FAM117B: variants seen among roughly 807,000 people sequenced by gnomAD.
The protein encoded by FAM117B is protein FAM117B.
In FAM117B, 22 loss-of-function variants were observed where a neutral mutation model predicts 52.8. That is an observed-to-expected ratio of 0.42 (90% confidence interval 0.30 to 0.59). The LOEUF (loss-of-function observed/expected upper bound fraction) is 0.59, where lower values mean the gene tolerates loss of function less well. Ranked by LOEUF, FAM117B falls within the 20% of genes least tolerant of loss-of-function variation. The pLI, the probability that FAM117B is intolerant of heterozygous loss-of-function variation, is 0.22. For missense variants in FAM117B, 678 were observed against 802.6 expected, an observed-to-expected ratio of 0.84 and a Z score of 1.88; for synonymous variants, 309 against 324.1, an observed-to-expected ratio of 0.95 and a Z score of 0.50.
chr2:202,761,213 A>G (rs904352967), intron 7 of FAM117B, among the ~76,000 whole-genome samples: 6 of 152,174 alleles, frequency 3.9e-5, no homozygotes, highest in Non-Finnish European at 1.5e-5. Flanking sequence ...GAGCTCTTTG[A>G]TTTACTCATT....
chr2:202,738,401 A>G (rs1691473323), intron 4 of FAM117B, among the ~76,000 whole-genome samples: 1 of 152,156 alleles, frequency 6.6e-6, no homozygotes, highest in Admixed American at 6.5e-5. Context: ...TTTTCTGTCA[A>G]CTCAAGTTTG....
In FAM117B at chr2:202,653,474, G is replaced by T. The variant is rs1689986286; in HGVS notation, c.601+17686G>T. ...CTGCCTCAGCCTCCAGAGTTGCTGG[G>T]ATTACAGGCATGAACATTTGTGCCT... is the stretch of plus-strand genomic sequence containing the variant. On this transcript the variant is annotated intron_variant, in intron 1 of 7. Coordinates refer to ENST00000392238, the MANE Select transcript of FAM117B (RefSeq NM_173511.4). Among the ~76,000 whole-genome samples, 4 of 152,226 alleles carry T rather than the reference G, an allele frequency of 2.6e-5. No homozygotes were observed. The South Asian group carries it at 8.3e-4, about 31-fold the overall frequency.
intron 1 of FAM117B, among the ~76,000 whole-genome samples, chr2:202,655,616 G>A (rs1173743882): frequency 6.6e-6 from 1 of 151,860 alleles, no homozygotes; most frequent in African/African-American, 2.4e-5. Context: ...GTTTTTAGAA[G>A]AGGTTATGTA....
intron 1 of FAM117B, among the ~76,000 whole-genome samples, chr2:202,677,154 G>A (rs773666255): frequency 6.7e-6 from 1 of 149,862 alleles, no homozygotes; most frequent in Non-Finnish European, 1.5e-5. Flanking sequence ...TACAACCTCC[G>A]CCTCCGGGGT....
chr2:202,679,961 C>T (rs1384093470), intron 1 of FAM117B, among the ~76,000 whole-genome samples: 2 of 151,702 alleles, frequency 1.3e-5, no homozygotes, highest in African/African-American at 4.8e-5. Flanking sequence ...TCAGTATGCT[C>T]AGAGATTTAA....
intron 2 of FAM117B, among the ~76,000 whole-genome samples, chr2:202,710,041 T>A (rs115496609): frequency 1.3e-5 from 2 of 152,242 alleles, no homozygotes; most frequent in African/African-American, 4.8e-5. Flanking sequence ...CTTTGTAATA[T>A]GTTTTGAAAT....
intron 2 of FAM117B, 29 bp downstream of exon 2, chr2:202,696,061 G>A: frequency 7.5e-6 from 12 of 1,603,778 alleles, no homozygotes; most frequent in Non-Finnish European, 1.0e-5. Flanking sequence ...TTATCCTGAA[G>A]TGTTTTTCTC....
At chr2:202,652,587 T>A (rs1324237864) in intron 1 of FAM117B, among the ~76,000 whole-genome samples, 1 of 152,226 alleles carries the variant, frequency 6.6e-6, no homozygotes, top group Non-Finnish European at 1.5e-5. Context: ...GACAAAAGCC[T>A]GATATGGCCG....
chr2:202,762,930 C>G (rs1338028256), intron 7 of FAM117B, among the ~76,000 whole-genome samples: 1 of 151,704 alleles, frequency 6.6e-6, no homozygotes, highest in Non-Finnish European at 1.5e-5. Flanking sequence ...ATGAAAGCAG[C>G]AAGGAAGTTA....
Position 202,635,376 on chromosome 2 carries a change from C to T in FAM117B, c.189C>T (p.Gly63=), listed in dbSNP as rs573110708. The T allele has an allele frequency of 3.4e-3, 4,643 of 1,366,554 alleles. 16 individuals are homozygous for T. The highest frequency in any genetic ancestry group is 4.2e-3 in the Non-Finnish European group (4,437 of 1,062,520). The allele number at this position is 1,366,554 out of a possible 1,614,324, so 84.7% of individuals were successfully genotyped here. The change falls in exon 1 of 8, where the codon GGC becomes GGT. Residue 63 remains glycine (G), a synonymous_variant. Coordinates refer to ENST00000392238, the MANE Select transcript of FAM117B (RefSeq NM_173511.4). The stretch of plus-strand genomic sequence containing the variant: ...CGCGGAGCGGCGGCGGCGGCGGCGG[C>T]AACAACAACGGTGGCTGCTGTGGTG... ...SPTRSGGGGG[G]NNNGGCCGGA...
At chr2:202,666,689 GAC>G (rs1265782155) in intron 1 of FAM117B, among the ~76,000 whole-genome samples, 1 of 125,216 alleles carries the variant, frequency 8.0e-6, no homozygotes, top group East Asian at 2.2e-4. Flanking sequence ...TTTTTTTTGA[GAC>G]AGAGTCTCGC....
intron 6 of FAM117B, 118 bp downstream of exon 6, chr2:202,757,556 A>G (rs1691821614): frequency 4.6e-6 from 5 of 1,088,222 alleles, no homozygotes; most frequent in Non-Finnish European, 6.6e-6. Flanking sequence ...TAATGTGTTC[A>G]AAGCCTAGGT....
At chr2:202,654,397 A>G (rs888327189) in intron 1 of FAM117B, among the ~76,000 whole-genome samples, 1 of 151,672 alleles carries the variant, frequency 6.6e-6, no homozygotes, top group Non-Finnish European at 1.5e-5. Flanking sequence ...CTTGAGCACT[A>G]TTTTCTTGTC....
At chr2:202,661,172 A>G (rs1690122463) in intron 1 of FAM117B, among the ~76,000 whole-genome samples, 1 of 152,060 alleles carries the variant, frequency 6.6e-6, no homozygotes, top group African/African-American at 2.4e-5. Flanking sequence ...AGCTGCCATT[A>G]TTTACTTTTT....
chr2:202,652,351 T>A (rs1248227663), intron 1 of FAM117B, among the ~76,000 whole-genome samples: 1 of 152,114 alleles, frequency 6.6e-6, no homozygotes, highest in Non-Finnish European at 1.5e-5. Flanking sequence ...TCCTCTTTCT[T>A]TGGCCTTCCA....
intron 4 of FAM117B, among the ~76,000 whole-genome samples, chr2:202,744,390 C>T (rs1262158478): frequency 2.0e-5 from 3 of 152,144 alleles, no homozygotes; most frequent in Non-Finnish European, 2.9e-5. Context: ...CAGGAACTAA[C>T]GGAGTGAATT....
At chr2:202,762,077 G>C (rs913455788) in intron 7 of FAM117B, among the ~76,000 whole-genome samples, 5 of 152,052 alleles carry the variant, frequency 3.3e-5, no homozygotes. Flanking sequence ...TTTTGTCCCA[G>C]ATATGTCAAA....
At chr2:202,641,839 A>G (rs768220141) in intron 1 of FAM117B, among the ~76,000 whole-genome samples, 5 of 151,420 alleles carry the variant, frequency 3.3e-5, no homozygotes, top group African/African-American at 1.2e-4. Context: ...GGGTTTCACT[A>G]TGTTGGCCAG....
rs185392065 is a variant in FAM117B at position 202,767,730 on chromosome 2, C to A, written c.*1966C>A. ...TTATACTCATGTACCTTTAAAACAT[C>A]TAAGCAATTTAAAATAATCCCTGTT... is the stretch of plus-strand genomic sequence containing the variant. On this transcript the variant is annotated 3_prime_UTR_variant, in exon 8 of 8. Coordinates refer to ENST00000392238, the MANE Select transcript of FAM117B (RefSeq NM_173511.4). 7 of 152,254 alleles carry A rather than the reference C, an allele frequency of 4.6e-5. No individual in the cohort carries two copies. The East Asian group carries it at 1.4e-3, about 29-fold the overall frequency. 9.4% of individuals were successfully genotyped at this position (152,254 alleles called of 1,614,324 possible). A position where few individuals can be genotyped will look rare whatever the true frequency, so the allele number is the denominator to read the frequency against.
Sources: allele counts gnomAD v4.1 joint callset (sites outside exome capture counted in the v4.1 genomes callset), GRCh38; gene constraint gnomAD v4.1.1; transcripts MANE v1.5; gene names NCBI Gene and HGNC (gene_info 2026-07-23, HGNC 2026-07-21).